Variants in FGF14 observed in about 807,000 individuals in gnomAD.
The protein encoded by FGF14 is fibroblast growth factor 14.
FGF14 carries 5 observed loss-of-function variants against 25.5 expected under a neutral mutation model. The observed-to-expected ratio is 0.20, with a 90% CI of 0.10 to 0.41. The LOEUF (loss-of-function observed/expected upper bound fraction) is 0.41, where lower values mean the gene tolerates loss of function less well. FGF14 is among the 10% of genes least tolerant of loss of function. The pLI is 1.00. For missense variants in FGF14, 222 were observed against 320.1 expected, an observed-to-expected ratio of 0.69 and a Z score of 2.34; for synonymous variants, 138 against 118.3, an observed-to-expected ratio of 1.17 and a Z score of -1.08.
intron 1 of FGF14, among the ~76,000 whole-genome samples, chr13:102,380,879 G>A (rs995778514): frequency 1.3e-5 from 2 of 152,118 alleles, no homozygotes; most frequent in Non-Finnish European, 2.9e-5. Context: ...GATAAATATA[G>A]CTGCTCCTCA....
At chr13:102,157,643 C>T (rs994324632) in intron 1 of FGF14, among the ~76,000 whole-genome samples, 5 of 152,142 alleles carry the variant, frequency 3.3e-5, no homozygotes, top group South Asian at 2.1e-4. Context: ...GCAACAAAAG[C>T]CAAAATTGAC....
chr13:102,065,730 C>T (rs937204978), intron 1 of FGF14, among the ~76,000 whole-genome samples: 18 of 151,938 alleles, frequency 1.2e-4, no homozygotes, highest in South Asian at 4.2e-4. Flanking sequence ...ACTGTCCAAA[C>T]CTAGACAATT....
chr13:102,119,312 A>T (rs115308055), intron 1 of FGF14, among the ~76,000 whole-genome samples: 136 of 152,294 alleles, frequency 8.9e-4, no homozygotes, highest in African/African-American at 3.0e-3. Context: ...CAACTGGCTG[A>T]GTCTTCCAAA....
chr13:102,126,843 C>T (rs1381577551), intron 1 of FGF14, among the ~76,000 whole-genome samples: 2 of 152,096 alleles, frequency 1.3e-5, no homozygotes, highest in Non-Finnish European at 1.5e-5. Flanking sequence ...CTGGGACTAA[C>T]AAAAATCAAG....
At chr13:102,004,768 A>AC (rs1188774207) in intron 1 of FGF14, among the ~76,000 whole-genome samples, 2 of 151,854 alleles carry the variant, frequency 1.3e-5, no homozygotes, top group Non-Finnish European at 2.9e-5. Flanking sequence ...GGGGGCTGTA[A>AC]CCCCCATGCT....
At chr13:102,023,043 GACACACAC>G (rs59221538) in intron 1 of FGF14, among the ~76,000 whole-genome samples, 1,758 of 146,278 alleles carry the variant, frequency 0.012, 32 homozygotes, top group African/African-American at 0.041. Flanking sequence ...AATATTTTCG[GACACACAC>G]ACACACACAC....
At chr13:101,866,233 T>C (rs887548055) in intron 3 of FGF14, among the ~76,000 whole-genome samples, 2 of 152,134 alleles carry the variant, frequency 1.3e-5, no homozygotes, top group African/African-American at 4.8e-5. Context: ...ATTTCCTAGG[T>C]AACAATTCCC....
chr13:102,188,177 A>G (rs1240175735), intron 1 of FGF14, among the ~76,000 whole-genome samples: 1 of 152,200 alleles, frequency 6.6e-6, no homozygotes, highest in Non-Finnish European at 1.5e-5. Context: ...ATCATGAAGT[A>G]CCAGGTGTTC....
chr13:101,825,225 A>T (rs2042343501), intron 3 of FGF14, among the ~76,000 whole-genome samples: 1 of 152,128 alleles, frequency 6.6e-6, no homozygotes, highest in Non-Finnish European at 1.5e-5. Context: ...AACCTGTGAG[A>T]TCTGACACTA....
chr13:101,730,061 G>A (rs960156816), intron 3 of FGF14, among the ~76,000 whole-genome samples: 2 of 152,138 alleles, frequency 1.3e-5, no homozygotes, highest in African/African-American at 4.8e-5. Flanking sequence ...AGATAGGTTT[G>A]AGAAACATAA....
rs760968871 is a variant in FGF14, at chr13:101,916,412, G to A, written c.193+41C>T. On this transcript the variant is annotated intron_variant, in intron 1 of 4. Coordinates refer to ENST00000376143, the MANE Select transcript of FGF14 (RefSeq NM_004115.4). ...AGAAGCTCCGTTTAGGCGGGGAGGG[G>A]GCGACCCGGGGCGCATCTCCCGACC... 49 of 1,610,748 alleles carry A rather than the reference G, an allele frequency of 3.0e-5. 1 individual carries two copies. The South Asian group carries it at 4.9e-4, about 16-fold the overall frequency.
chr13:102,398,419 A>G (rs1011438020), intron 1 of FGF14, among the ~76,000 whole-genome samples: 1 of 152,222 alleles, frequency 6.6e-6, no homozygotes, highest in Non-Finnish European at 1.5e-5. Context: ...GGAAATAATC[A>G]GTAAATTATT....
intron 1 of FGF14, among the ~76,000 whole-genome samples, chr13:102,076,918 T>C (rs1453120523): frequency 2.6e-5 from 4 of 152,034 alleles, no homozygotes; most frequent in Non-Finnish European, 4.4e-5. Flanking sequence ...TACTATCACA[T>C]AGAGTAATAG....
At chr13:102,244,633 T>C (rs1055872069) in intron 1 of FGF14, among the ~76,000 whole-genome samples, 1 of 152,060 alleles carries the variant, frequency 6.6e-6, no homozygotes, top group African/African-American at 2.4e-5. Context: ...GCTGAATATT[T>C]TAATCAGGTG....
intron 1 of FGF14, among the ~76,000 whole-genome samples, chr13:102,155,496 G>A (rs2047288394): frequency 6.6e-6 from 1 of 152,144 alleles, no homozygotes; most frequent in African/African-American, 2.4e-5. Context: ...CAGAATCTCT[G>A]GGACACATTC....
chr13:101,796,312 G>C (rs1330342386), intron 3 of FGF14, among the ~76,000 whole-genome samples: 1 of 151,936 alleles, frequency 6.6e-6, no homozygotes, highest in Non-Finnish European at 1.5e-5. Flanking sequence ...TAGCCTTCCA[G>C]ATCTCTCCAC....
chr13:102,049,963 A>G (rs1251416117), intron 1 of FGF14, among the ~76,000 whole-genome samples: 2 of 152,094 alleles, frequency 1.3e-5, no homozygotes, highest in Admixed American at 1.3e-4. Flanking sequence ...CAGTGAGACA[A>G]TAGATTCCAA....
At chr13:101,833,474 T>G (rs1195646672) in intron 3 of FGF14, among the ~76,000 whole-genome samples, 1 of 152,070 alleles carries the variant, frequency 6.6e-6, no homozygotes. Context: ...GGGTTCTTGT[T>G]CTTCAGACAA....
chr13:102,295,151 T>C (rs530593537), intron 1 of FGF14, among the ~76,000 whole-genome samples: 1 of 152,310 alleles, frequency 6.6e-6, no homozygotes, highest in Non-Finnish European at 1.5e-5. Flanking sequence ...CAGGAGGTTC[T>C]TCATCATTAT....
Sources: allele counts gnomAD v4.1 joint callset (sites outside exome capture counted in the v4.1 genomes callset), GRCh38; gene constraint gnomAD v4.1.1; transcripts MANE v1.5; gene names NCBI Gene and HGNC (gene_info 2026-07-23, HGNC 2026-07-21).